The following LBP variants were observed in gnomAD, a reference collection of about 807,000 sequenced individuals.
LBP encodes the protein lipopolysaccharide binding protein.
A neutral mutation model predicts 56.6 loss-of-function variants in LBP; 53 were observed. The ratio of observed to expected loss-of-function variants is 0.94; its 90% CI spans 0.75 to 1.18. The LOEUF is 1.18. Among genes scored for constraint, LBP ranks in the 50% most tolerant of loss-of-function variants. The probability of loss-of-function intolerance (pLI) is 0.00; values close to 1 mark genes in which losing one functional copy is unlikely to be tolerated. For missense variants in LBP, 601 were observed against 598.3 expected (o/e 1.00, Z -0.05); for synonymous variants, 227 against 247.5 (o/e 0.92, Z 0.78).
chr20:38,355,029 C>T (rs2076833754), intron 4 of LBP, among the ~76,000 whole-genome samples: 1 of 152,188 alleles, frequency 6.6e-6, no homozygotes, highest in Admixed American at 6.5e-5. Flanking sequence ...TTGCAGTGAG[C>T]TGAGATTGTG....
chr20:38,346,874 G>A lies in LBP; in HGVS notation c.124+234G>A, dbSNP rs779274264. Among the ~76,000 whole-genome samples, 8 of 152,218 alleles carry A rather than the reference G, an allele frequency of 5.3e-5. No individual in the cohort carries two copies. In the East Asian group the frequency reaches 5.8e-4, roughly 11 times the overall value. On this transcript the variant is annotated intron_variant, in intron 1 of 14. Coordinates refer to ENST00000217407, the MANE Select transcript of LBP (RefSeq NM_004139.5). ...ACCAGCCAACAGAACACAGCTTTGC[G>A]TGCAAGTAGTTGATTTGGGAAATGA...
intron 3 of LBP, among the ~76,000 whole-genome samples, chr20:38,352,025 G>A (rs539509737): frequency 6.0e-5 from 9 of 149,412 alleles, no homozygotes; most frequent in Middle Eastern, 3.4e-3. Flanking sequence ...GGGACAGAGC[G>A]AGACTCCATC....
intron 9 of LBP, 123 bp downstream of exon 9, chr20:38,366,951 C>A: frequency 1.1e-6 from 1 of 885,464 alleles, no homozygotes. Context: ...GAGACTCCCA[C>A]TGAAGGCTGG....
chr20:38,373,830 T>C, intron 13 of LBP, 107 bp from the exon 14 acceptor site: 1 of 938,516 alleles, frequency 1.1e-6, no homozygotes, highest in Non-Finnish European at 1.7e-6. Context: ...AATCACTAAA[T>C]GGGAATATAC....
chr20:38,372,301 C>A (rs1021010495), intron 12 of LBP, among the ~76,000 whole-genome samples: 1 of 152,196 alleles, frequency 6.6e-6, no homozygotes, highest in Non-Finnish European at 1.5e-5. Flanking sequence ...TTTCCCGAAG[C>A]ACTTATGAAG....
At chr20:38,368,905 A>G in intron 9 of LBP, 90 bp from the exon 10 acceptor site, 1 of 1,339,324 alleles carries the variant, frequency 7.5e-7, no homozygotes, top group East Asian at 2.3e-5. Flanking sequence ...AATCGAAAGC[A>G]ACTTCCAGCT....
chr20:38,362,513 T>TGAGGCA (rs2076864682), intron 6 of LBP, among the ~76,000 whole-genome samples: 1 of 149,110 alleles, frequency 6.7e-6, no homozygotes, highest in South Asian at 2.1e-4. Flanking sequence ...CTCGGGAGGC[T>TGAGGCA]GAGGCAGGAG....
intron 12 of LBP, among the ~76,000 whole-genome samples, chr20:38,372,659 G>A (rs2076904630): frequency 6.6e-6 from 1 of 152,172 alleles, no homozygotes; most frequent in Non-Finnish European, 1.5e-5. Flanking sequence ...GATTGAATCA[G>A]ACATGCACGT....
intron 1 of LBP, among the ~76,000 whole-genome samples, chr20:38,348,476 C>A (rs1324047118): frequency 6.6e-6 from 1 of 152,026 alleles, no homozygotes; most frequent in African/African-American, 2.4e-5. Context: ...CCACGCCCAG[C>A]TAATTTTTGT....
chr20:38,350,927 G>C lies in LBP; in HGVS notation c.356G>C (p.Arg119Pro). The change falls in exon 3 of 15, where the codon CGC becomes CCC. Residue 119 changes from arginine to proline, a missense_variant. By Grantham distance (103) the Arg-to-Pro change is moderately radical. Coordinates refer to ENST00000217407, the MANE Select transcript of LBP (RefSeq NM_004139.5). ...SIRVQGRWKV[R>P]KSFFKLQGSF... ...CGGGTCCAGGGCAGGTGGAAGGTGC[G>C]CAAGTCATTCTTGTAAGTTGGCTCT... 2 of 1,613,696 alleles carry C rather than the reference G, an allele frequency of 1.2e-6. No individual in the cohort carries two copies. The highest frequency in any genetic ancestry group is 1.7e-6 in the Non-Finnish European group (2 of 1,179,728).
intron 12 of LBP, among the ~76,000 whole-genome samples, chr20:38,371,753 G>A (rs1320404525): frequency 6.6e-6 from 1 of 152,138 alleles, no homozygotes; most frequent in East Asian, 1.9e-4. Context: ...TTCACTCTCA[G>A]GCAGGCTCTT....
intron 8 of LBP, among the ~76,000 whole-genome samples, chr20:38,365,952 G>C (rs1266783364): frequency 6.6e-6 from 1 of 152,050 alleles, no homozygotes; most frequent in Non-Finnish European, 1.5e-5. Flanking sequence ...TGGTGAAAAG[G>C]AGAGACAGTC....
At position 38,376,647 on chromosome 20, in the gene LBP, A is replaced by G. The variant is rs1200029137; in HGVS notation, c.1424A>G (p.Asn475Ser). ...IHKDFLFLGANVQYMRV is the reference protein window; with the variant it reads ...IHKDFLFLGASVQYMRV ...TAGGACTTCCTGTTCTTGGGTGCCA[A>G]TGTCCAATACATGAGAGTTTGAGGA... Residue 475 changes from asparagine to serine, a missense_variant, in exon 15 of 15, where the codon AAT (asparagine) becomes AGT (serine). Physicochemically the swap from Asn to Ser is conservative, Grantham distance 46. Transcript: ENST00000217407. 14 of 1,613,904 alleles carry G rather than the reference A, an allele frequency of 8.7e-6. No homozygotes were observed. In the East Asian group the frequency reaches 1.1e-4, roughly 13 times the overall value.
At chr20:38,355,245 G>A in intron 4 of LBP, 101 bp from the exon 5 acceptor site, 2 of 1,029,074 alleles carry the variant, frequency 1.9e-6, no homozygotes, top group Middle Eastern at 4.6e-4. Flanking sequence ...GGGGTGGAGA[G>A]GGCTCCCTTT....
chr20:38,354,623 T>A (rs547714071), intron 4 of LBP, among the ~76,000 whole-genome samples, 184 bp downstream of exon 4: 1 of 152,218 alleles, frequency 6.6e-6, no homozygotes, highest in South Asian at 2.1e-4. Flanking sequence ...TGCATCATTT[T>A]CATTAAAAAA....
rs1399621148 is a variant in LBP, at chr20:38,376,606, C to G, written c.1402-19C>G. 6.2e-7 allele frequency: 1 copy of G among 1,611,850 alleles called. No individual in the cohort carries two copies. The highest frequency in any genetic ancestry group is 1.3e-5 in the African/African-American group (1 of 74,998). ...TAGAGGATGCTCTTTACCATCCTGT[C>G]CTGTCCTGTTTTTCCTAGGACTTCC... is the stretch of plus-strand genomic sequence containing the variant. On this transcript the variant is annotated intron_variant, in intron 14 of 14. Transcript: ENST00000217407.
chr20:38,374,315 C>T (rs1306348065), intron 14 of LBP, among the ~76,000 whole-genome samples: 4 of 152,156 alleles, frequency 2.6e-5, no homozygotes, highest in African/African-American at 7.2e-5. Context: ...GAAAATACTG[C>T]GGGCCGGGTG....
chr20:38,347,604 T>C (rs949390372), intron 1 of LBP, among the ~76,000 whole-genome samples: 1 of 152,058 alleles, frequency 6.6e-6, no homozygotes, highest in African/African-American at 2.4e-5. Context: ...TTTTAAATAC[T>C]GAAACAAAGC....
At chr20:38,362,182 G>A (rs562545899) in intron 6 of LBP, among the ~76,000 whole-genome samples, 2 of 149,114 alleles carry the variant, frequency 1.3e-5, no homozygotes, top group African/African-American at 4.9e-5. Flanking sequence ...TCTCAGCCTC[G>A]CGAGTAGCTG....
Sources: allele counts gnomAD v4.1 joint callset (sites outside exome capture counted in the v4.1 genomes callset), GRCh38; gene constraint gnomAD v4.1.1; transcripts MANE v1.5; gene names NCBI Gene and HGNC (gene_info 2026-07-23, HGNC 2026-07-21).